CNTNAP2: variants seen among roughly 807,000 people sequenced by gnomAD.
The protein encoded by CNTNAP2 is contactin associated protein 2, also known as contactin-associated protein-like 2.
In CNTNAP2, 98 loss-of-function variants were observed where a neutral mutation model predicts 155.2. The observed-to-expected ratio is 0.63, with a 90% CI of 0.54 to 0.75. CNTNAP2 has a LOEUF of 0.75. CNTNAP2 is among the 30% of genes least tolerant of loss of function. The pLI, the probability that CNTNAP2 is intolerant of heterozygous loss-of-function variation, is 0.00. For synonymous variants in CNTNAP2, 651 were observed against 631.2 expected (o/e 1.03, Z -0.47); for missense variants, 1,727 against 1,688.1 (o/e 1.02, Z -0.40).
intron 8 of CNTNAP2, among the ~76,000 whole-genome samples, chr7:147,235,581 C>T (rs967567852): frequency 7.9e-5 from 12 of 152,150 alleles, no homozygotes; most frequent in African/African-American, 2.7e-4. Context: ...GTACTTATAT[C>T]GGTATGGATT....
At chr7:146,997,935 T>C (rs1294714041) in intron 3 of CNTNAP2, among the ~76,000 whole-genome samples, 1 of 152,082 alleles carries the variant, frequency 6.6e-6, no homozygotes, top group Non-Finnish European at 1.5e-5. Context: ...GTATTCTCTT[T>C]TTTTCTTACT....
rs1445594366 is a variant in CNTNAP2, at chr7:146,885,220, CTT to C, written c.402+45318_402+45319del. Among the ~76,000 whole-genome samples the C allele has an allele frequency of 2.0e-5, 3 of 152,108 alleles. No individual in the cohort carries two copies. The East Asian group carries it at 5.8e-4, about 29-fold the overall frequency. On this transcript the variant is annotated intron_variant, in intron 3 of 23. Coordinates refer to ENST00000361727, the MANE Select transcript of CNTNAP2 (RefSeq NM_014141.6). ...CGAAATGTTAAGTTACTCTTAACGT[CTT>C]TGGATATTTACATTGTTGATTCCAA...
intron 1 of CNTNAP2, among the ~76,000 whole-genome samples, chr7:146,199,271 A>C (rs917255157): frequency 1.3e-5 from 2 of 152,206 alleles, no homozygotes; most frequent in Non-Finnish European, 2.9e-5. Context: ...AAATTTTAGT[A>C]GAGAAATAGC....
chr7:146,985,607 A>C (rs1421005847), intron 3 of CNTNAP2, among the ~76,000 whole-genome samples: 3 of 152,192 alleles, frequency 2.0e-5, no homozygotes, highest in Non-Finnish European at 4.4e-5. Context: ...GGCGTAAGCC[A>C]CTGAATTTTT....
intron 1 of CNTNAP2, among the ~76,000 whole-genome samples, chr7:146,680,523 T>G (rs953986190): frequency 2.6e-5 from 4 of 152,150 alleles, no homozygotes; most frequent in African/African-American, 9.7e-5. Flanking sequence ...GAGTTTTGCC[T>G]CATTCTCTCC....
At chr7:147,614,791 A>G (rs1478004630) in intron 12 of CNTNAP2, among the ~76,000 whole-genome samples, 3 of 101,982 alleles carry the variant, frequency 2.9e-5, no homozygotes, top group Non-Finnish European at 6.2e-5. Context: ...TTACACATAT[A>G]TAGGGGAATT....
chr7:146,846,143 C>A (rs1238817044), intron 3 of CNTNAP2, among the ~76,000 whole-genome samples: 2 of 152,146 alleles, frequency 1.3e-5, no homozygotes, highest in African/African-American at 2.4e-5. Context: ...CATCTTCCAT[C>A]GGATAATAAC....
chr7:147,593,411 G>C (rs536489065), intron 12 of CNTNAP2, among the ~76,000 whole-genome samples: 1 of 151,750 alleles, frequency 6.6e-6, no homozygotes, highest in Admixed American at 6.6e-5. Context: ...AAATGAATTG[G>C]ATGATAAGTG....
chr7:147,937,564 G>A (rs530359975), intron 14 of CNTNAP2, among the ~76,000 whole-genome samples: 3 of 152,028 alleles, frequency 2.0e-5, no homozygotes, highest in African/African-American at 4.8e-5. Flanking sequence ...CCTTTCCTGC[G>A]GGTAACCCAC....
At chr7:146,391,471 G>A (rs542330558) in intron 1 of CNTNAP2, among the ~76,000 whole-genome samples, 2 of 152,150 alleles carry the variant, frequency 1.3e-5, no homozygotes, top group South Asian at 2.1e-4. Context: ...ATAGTTTTAT[G>A]AGATTGCCAG....
At chr7:146,141,177 G>A (rs1010817595) in intron 1 of CNTNAP2, among the ~76,000 whole-genome samples, 2 of 152,164 alleles carry the variant, frequency 1.3e-5, no homozygotes, top group Non-Finnish European at 2.9e-5. Flanking sequence ...GCTGCTCATG[G>A]TGTCTAAGTG....
intron 12 of CNTNAP2, among the ~76,000 whole-genome samples, chr7:147,630,072 A>G (rs6464835): frequency 0.024 from 3,535 of 149,520 alleles, 133 homozygotes; most frequent in African/African-American, 0.082. Flanking sequence ...ATAGACCATT[A>G]GCAAGAATAA....
intron 1 of CNTNAP2, among the ~76,000 whole-genome samples, chr7:146,697,264 G>A (rs1210669415): frequency 1.3e-5 from 2 of 151,490 alleles, no homozygotes; most frequent in Non-Finnish European, 2.9e-5. Context: ...TTGAGACAGG[G>A]TCTTGCTCTG....
At chr7:146,524,764 A>G in intron 1 of CNTNAP2, among the ~76,000 whole-genome samples, 1 of 152,122 alleles carries the variant, frequency 6.6e-6, no homozygotes, top group East Asian at 1.9e-4. Context: ...TGCAAAATGT[A>G]TGTAATTATG....
At chr7:148,038,826 AGATGGATGGATGGATG>A (rs58688357) in intron 15 of CNTNAP2, among the ~76,000 whole-genome samples, 38 of 147,822 alleles carry the variant, frequency 2.6e-4, no homozygotes, top group South Asian at 1.5e-3. Context: ...ATGGATGGAT[AGATGGATGGATGGATG>A]GATGGATGGA....
At chr7:146,289,678 A>G (rs928093218) in intron 1 of CNTNAP2, among the ~76,000 whole-genome samples, 1 of 152,208 alleles carries the variant, frequency 6.6e-6, no homozygotes, top group Non-Finnish European at 1.5e-5. Flanking sequence ...TCCAAATCGT[A>G]TTTAAAATTA....
chr7:147,553,765 G>GT (rs1180383630), intron 11 of CNTNAP2, among the ~76,000 whole-genome samples: 1 of 152,086 alleles, frequency 6.6e-6, no homozygotes, highest in Non-Finnish European at 1.5e-5. Flanking sequence ...AAGGTCAGGT[G>GT]TAAGAGACCA....
chr7:148,237,425 G>A (rs543167483), intron 20 of CNTNAP2, among the ~76,000 whole-genome samples: 60 of 152,340 alleles, frequency 3.9e-4, no homozygotes, highest in Middle Eastern at 3.4e-3. Context: ...GGGGGCAAGA[G>A]AGGACATGGA....
At chr7:147,913,074 A>G (rs1800095845) in intron 14 of CNTNAP2, among the ~76,000 whole-genome samples, 1 of 152,232 alleles carries the variant, frequency 6.6e-6, no homozygotes, top group South Asian at 2.1e-4. Context: ...CATAAAGAGA[A>G]GAGAAGGTAA....
Sources: gnomAD v4.1 joint callset for allele counts (sites outside exome capture counted in the v4.1 genomes callset) on GRCh38, gnomAD v4.1.1 for gene constraint, MANE v1.5 for transcripts, NCBI Gene and HGNC (gene_info 2026-07-23, HGNC 2026-07-21) for gene names.